The following COTL1 variants were observed in gnomAD, a reference collection of about 807,000 sequenced individuals.
The protein encoded by COTL1 is coactosin like F-actin binding protein 1.
In COTL1, 15 loss-of-function variants were observed where a neutral mutation model predicts 16.5. The ratio of observed to expected loss-of-function variants is 0.91; its 90% CI spans 0.61 to 1.40. The LOEUF (loss-of-function observed/expected upper bound fraction) is 1.40, where lower values mean the gene tolerates loss of function less well. COTL1 is among the 40% of genes most tolerant of loss of function. The pLI, the probability that COTL1 is intolerant of heterozygous loss-of-function variation, is 0.00. For missense variants in COTL1, 220 were observed against 201.5 expected (o/e 1.09, Z -0.56); for synonymous variants, 112 against 85.3 (o/e 1.31, Z -1.73).
At chr16:84,582,130 G>C (rs1010797378) in intron 3 of COTL1, among the ~76,000 whole-genome samples, 1 of 151,854 alleles carries the variant, frequency 6.6e-6, no homozygotes, top group African/African-American at 2.4e-5. Flanking sequence ...TGGTAGCTGG[G>C]ATTACAGGCA....
Position 84,566,091 on chromosome 16 carries a change from T to C in COTL1, c.*754A>G, listed in dbSNP as rs1196788977. ...GGGCTCAGACCTTTGCCCTTCTCTGTGTCACAAGGAAATTTCGGTCAAGAG... is the reference window on the plus strand; with the variant it reads ...GGGCTCAGACCTTTGCCCTTCTCTGCGTCACAAGGAAATTTCGGTCAAGAG... On this transcript the variant is annotated 3_prime_UTR_variant, in exon 4 of 4. Coordinates refer to ENST00000262428, the MANE Select transcript of COTL1 (RefSeq NM_021149.5). 1.3e-5 allele frequency: 2 copies of C among 152,722 alleles called. No individual in the cohort carries two copies. The highest frequency in any genetic ancestry group is 2.9e-5 in the Non-Finnish European group (2 of 68,084). 9.5% of individuals were successfully genotyped at this position (152,722 alleles called of 1,614,324 possible).
intron 2 of COTL1, among the ~76,000 whole-genome samples, chr16:84,609,920 C>A (rs1215152316): frequency 1.3e-5 from 2 of 152,202 alleles, no homozygotes; most frequent in Admixed American, 1.3e-4. Flanking sequence ...ATAAATTACC[C>A]AGTCACGGGT....
At chr16:84,599,686 C>T (rs1398199300) in intron 2 of COTL1, among the ~76,000 whole-genome samples, 7 of 152,236 alleles carry the variant, frequency 4.6e-5, no homozygotes, top group African/African-American at 1.2e-4. Flanking sequence ...CCCCAGAGAG[C>T]GGCAAGATTG....
At chr16:84,598,474 C>G (rs1187408116) in intron 2 of COTL1, among the ~76,000 whole-genome samples, 1 of 152,166 alleles carries the variant, frequency 6.6e-6, no homozygotes, top group Non-Finnish European at 1.5e-5. Flanking sequence ...CTAACGTTCT[C>G]AGGATACCGC....
chr16:84,603,237 C>A (rs9934412), intron 2 of COTL1, among the ~76,000 whole-genome samples: 2 of 152,178 alleles, frequency 1.3e-5, no homozygotes, highest in South Asian at 2.1e-4. Context: ...CACCAGCCCC[C>A]ACGGGGACAG....
intron 2 of COTL1, among the ~76,000 whole-genome samples, chr16:84,610,857 G>A (rs748792406): frequency 3.4e-4 from 47 of 139,340 alleles, no homozygotes; most frequent in Non-Finnish European, 5.6e-4. Flanking sequence ...CAGGGCACCT[G>A]CCTCCAACCA....
intron 2 of COTL1, among the ~76,000 whole-genome samples, chr16:84,606,926 T>A (rs1905222083): frequency 6.6e-6 from 1 of 152,140 alleles, no homozygotes; most frequent in Non-Finnish European, 1.5e-5. Flanking sequence ...CGGGTTCTCT[T>A]CTATAAGCAA....
chr16:84,586,989 G>A (rs1433967496), intron 3 of COTL1, among the ~76,000 whole-genome samples: 1 of 152,170 alleles, frequency 6.6e-6, no homozygotes, highest in East Asian at 1.9e-4. Context: ...CCCTCCCTCT[G>A]CTCCCTTTCC....
At chr16:84,616,713 G>A (rs1480845562) in intron 2 of COTL1, among the ~76,000 whole-genome samples, 1 of 152,084 alleles carries the variant, frequency 6.6e-6, no homozygotes, top group African/African-American at 2.4e-5. Context: ...GGTTTATGGC[G>A]ATGCCTGCCA....
At chr16:84,583,520 C>A (rs539692065) in intron 3 of COTL1, among the ~76,000 whole-genome samples, 2 of 152,310 alleles carry the variant, frequency 1.3e-5, no homozygotes, top group African/African-American at 2.4e-5. Context: ...TGCAATGACA[C>A]GAGCACAGCT....
chr16:84,602,355 C>T (rs962974433), intron 2 of COTL1, among the ~76,000 whole-genome samples: 1 of 151,202 alleles, frequency 6.6e-6, no homozygotes, highest in Non-Finnish European at 1.5e-5. Context: ...CGCACCACTG[C>T]ACTCCAGCCT....
Position 84,589,336 on chromosome 16 carries a change from A to C in COTL1, c.318+769T>G, listed in dbSNP as rs922234472. On this transcript the variant is annotated intron_variant, in intron 3 of 3. Transcript: ENST00000262428. ...ACCAATTACATTGCTTTGAATCTTT[A>C]AAATAATGTGCATGGTGGAGGATGG... Among the ~76,000 whole-genome samples, 58 of 152,258 alleles carry C rather than the reference A, an allele frequency of 3.8e-4. 1 individual carries two copies. Among genetic ancestry groups the C allele is most frequent in the African/African-American group, 1.4e-3 (57 of 41,546 alleles).
At chr16:84,606,102 AAATGC>A in intron 2 of COTL1, among the ~76,000 whole-genome samples, 1 of 152,268 alleles carries the variant, frequency 6.6e-6, no homozygotes. Context: ...ATAAAATATT[AAATGC>A]TGACGTGCCA....
At position 84,566,932 on chromosome 16, in the gene COTL1, G is replaced by T. The variant is rs200867929; in HGVS notation, c.342C>A (p.Ile114=). ...VVQNFAKEFV[I]SDRKELEEDF... The stretch of plus-strand genomic sequence containing the variant: ...CTTCCTCCAGCTCCTTCCGATCACT[G>T]ATCACAAACTCCTTAGCGAAATTCT... The change falls in exon 4 of 4, where the codon ATC becomes ATA. Residue 114 remains isoleucine, a synonymous_variant. Transcript: ENST00000262428. 6.2e-7 allele frequency: 1 copy of T among 1,613,638 alleles called. No individual in the cohort carries two copies. Among genetic ancestry groups the T allele is most frequent in the Non-Finnish European group, 8.5e-7 (1 of 1,179,626 alleles).
intron 3 of COTL1, among the ~76,000 whole-genome samples, chr16:84,570,603 C>T (rs1435344819): frequency 6.6e-6 from 1 of 152,092 alleles, no homozygotes; most frequent in South Asian, 2.1e-4. Flanking sequence ...ACCATATGAT[C>T]TCTGAAAACA....
At chr16:84,575,830 C>A (rs1266709657) in intron 3 of COTL1, 1 of 152,234 alleles carries the variant, frequency 6.6e-6, no homozygotes, top group African/African-American at 2.4e-5. Flanking sequence ...CAAATGCGGA[C>A]AATAGCAGCT....
chr16:84,590,219 A>G lies in COTL1; in HGVS notation c.204T>C (p.Asp68=). The G allele has an allele frequency of 6.2e-7, 1 of 1,614,202 alleles. No individual in the cohort carries two copies. Among genetic ancestry groups the G allele is most frequent in the African/African-American group, 1.3e-5 (1 of 75,058 alleles). The stretch of plus-strand genomic sequence containing the variant: ...CAAACTTGGACCTCTTGCTCATGGC[A>G]TCCCCGGTGGTGAAGCGCACGAAGG... ...LFAFVRFTTG[D]AMSKRSKFAL... Residue 68 remains aspartate, a synonymous_variant, in exon 3 of 4, where the codon GAT becomes GAC. Transcript: ENST00000262428. This position sits in a 1 kb window ranked among gnomAD's most constrained non-coding sequence, Gnocchi z 5.5.
chr16:84,587,163 C>A (rs552414667), intron 3 of COTL1, among the ~76,000 whole-genome samples: 23 of 152,140 alleles, frequency 1.5e-4, no homozygotes, highest in Non-Finnish European at 2.8e-4. Flanking sequence ...AGAAAAACAG[C>A]CTGTAGGGTT....
intron 2 of COTL1, among the ~76,000 whole-genome samples, chr16:84,603,319 T>C (rs1243622794): frequency 6.6e-6 from 1 of 152,202 alleles, no homozygotes; most frequent in Non-Finnish European, 1.5e-5. Flanking sequence ...GAACCTCCCC[T>C]CTTCCCAAAG....
Sources: gnomAD v4.1 joint callset for allele counts (sites outside exome capture counted in the v4.1 genomes callset) on GRCh38, gnomAD v4.1.1 for gene constraint, Gnocchi (gnomAD v3.1) non-coding constraint, MANE v1.5 for transcripts, NCBI Gene and HGNC (gene_info 2026-07-23, HGNC 2026-07-21) for gene names.